Variants in ANK3 observed in about 807,000 individuals in gnomAD.
The protein encoded by ANK3 is ankyrin-3.
Under a neutral mutation model 370.9 loss-of-function variants are expected in ANK3, and 57 were observed. That is an observed-to-expected ratio of 0.15 (90% CI 0.12 to 0.19). The LOEUF (loss-of-function observed/expected upper bound fraction) is 0.19. Ranked by LOEUF, ANK3 falls within the 10% of genes least tolerant of loss-of-function variation. The pLI, the probability that ANK3 is intolerant of heterozygous loss-of-function variation, is 1.00. For missense variants in ANK3, 4,439 were observed against 5,302.1 expected (o/e 0.84, Z 5.06); for synonymous variants, 1,929 against 1,946.3 (o/e 0.99, Z 0.23).
rs141656867 is a variant in ANK3 at position 60,062,759 on chromosome 10, C to T, written c.12595+352G>A. Reference sequence around the variant, plus strand: ...GCTCATCGTTTGTTTTACCTATATACGAATAAAAGAGGTAACTAGTTTAGG... The same window carrying T: ...GCTCATCGTTTGTTTTACCTATATATGAATAAAAGAGGTAACTAGTTTAGG... On this transcript the variant is annotated intron_variant, in intron 40 of 43. Coordinates refer to ENST00000280772, the MANE Select transcript of ANK3 (RefSeq NM_020987.5). 799 of 161,958 alleles carry T rather than the reference C, an allele frequency of 4.9e-3. 9 individuals carry two copies. Among genetic ancestry groups the T allele is most frequent in the Non-Finnish European group, 5.5e-3 (411 of 75,006 alleles). 10.0% of individuals were successfully genotyped at this position (161,958 alleles called of 1,614,324 possible).
At chr10:60,169,248 T>A (rs2095707559) in intron 21 of ANK3, among the ~76,000 whole-genome samples, 1 of 152,286 alleles carries the variant, frequency 6.6e-6, no homozygotes, top group African/African-American at 2.4e-5. Flanking sequence ...CTGACTGGTA[T>A]GAGAGGGTAT....
At chr10:60,161,918 C>A (rs2095510692) in intron 23 of ANK3, among the ~76,000 whole-genome samples, 1 of 152,188 alleles carries the variant, frequency 6.6e-6, no homozygotes, top group African/African-American at 2.4e-5. Context: ...CCAGAATGTT[C>A]CAAACACACA....
At chr10:60,721,022 T>A (rs552868472) in intron 1 of ANK3, among the ~76,000 whole-genome samples, 2 of 152,192 alleles carry the variant, frequency 1.3e-5, no homozygotes, top group East Asian at 3.9e-4. Context: ...GCACCAGATG[T>A]GCTAGATCCT....
chr10:60,049,798 G>A (rs1301485324), intron 42 of ANK3, among the ~76,000 whole-genome samples: 1 of 152,148 alleles, frequency 6.6e-6, no homozygotes, highest in African/African-American at 2.4e-5. Context: ...GGAGACCAAA[G>A]GAAATAGCCC....
At chr10:60,169,374 T>G (rs937251755) in intron 21 of ANK3, among the ~76,000 whole-genome samples, 51 of 150,536 alleles carry the variant, frequency 3.4e-4, no homozygotes, top group African/African-American at 1.2e-3. Context: ...GTTTTTTTTT[T>G]TTTTTTTTTT....
chr10:60,335,166 C>T (rs769616076), intron 1 of ANK3, among the ~76,000 whole-genome samples: 27 of 151,938 alleles, frequency 1.8e-4, no homozygotes, highest in African/African-American at 9.7e-5. Flanking sequence ...GAATGCTTCC[C>T]GAGTTTGCAG....
intron 1 of ANK3, among the ~76,000 whole-genome samples, chr10:60,353,185 G>A (rs1390376196): frequency 6.8e-6 from 1 of 147,308 alleles, no homozygotes; most frequent in East Asian, 1.9e-4. Flanking sequence ...TAGAGACTGG[G>A]TTTCACTATG....
At chr10:60,173,037 T>A in intron 19 of ANK3, 39 bp from the exon 20 acceptor site, 3 of 1,610,132 alleles carry the variant, frequency 1.9e-6, no homozygotes, top group Non-Finnish European at 1.7e-6. Context: ...CTTAATTCCT[T>A]TGAAGCAAAA....
At chr10:60,120,175 T>C (rs1565139434) in intron 25 of ANK3, among the ~76,000 whole-genome samples, 1 of 152,192 alleles carries the variant, frequency 6.6e-6, no homozygotes, top group Non-Finnish European at 1.5e-5. Context: ...TACAGTGAAC[T>C]GATTTTTGAC....
chr10:60,178,028 C>T (rs970889801), intron 18 of ANK3, among the ~76,000 whole-genome samples: 7 of 152,140 alleles, frequency 4.6e-5, no homozygotes, highest in African/African-American at 1.7e-4. Flanking sequence ...ACTTATTCTT[C>T]GCATTGCTTC....
intron 1 of ANK3, among the ~76,000 whole-genome samples, chr10:60,349,038 C>T (rs567213409): frequency 6.6e-6 from 1 of 151,202 alleles, no homozygotes; most frequent in South Asian, 2.1e-4. Flanking sequence ...AAGCCCTGCT[C>T]CAAGGGTGAG....
chr10:60,380,400 G>A (rs2061404621), intron 1 of ANK3, among the ~76,000 whole-genome samples: 1 of 152,132 alleles, frequency 6.6e-6, no homozygotes, highest in Non-Finnish European at 1.5e-5. Flanking sequence ...TTCCAGGTGT[G>A]AAGAGTGGTG....
chr10:60,576,240 T>TA (rs2077681191), intron 2 of ANK3, among the ~76,000 whole-genome samples: 1 of 152,174 alleles, frequency 6.6e-6, no homozygotes, highest in African/African-American at 2.4e-5. Context: ...ACTGCCTACT[T>TA]AGAGTTCACT....
chr10:60,286,005 T>C (rs1482825647), intron 1 of ANK3, among the ~76,000 whole-genome samples: 1 of 152,214 alleles, frequency 6.6e-6, no homozygotes, highest in Non-Finnish European at 1.5e-5. Flanking sequence ...AGGGACTTTT[T>C]TAGTTCTTTC....
At chr10:60,389,876 T>C (rs923351262), upstream of ANK3, 1 of 1,053,794 alleles carries the variant, frequency 9.5e-7, no homozygotes, top group Non-Finnish European at 1.1e-6. Flanking sequence ...AGTGTCTAAG[T>C]GATTCCTCGG....
intron 25 of ANK3, among the ~76,000 whole-genome samples, chr10:60,124,653 C>T (rs111753201): frequency 0.037 from 5,581 of 152,278 alleles, 166 homozygotes; most frequent in Non-Finnish European, 0.056. Flanking sequence ...TACTTGTCTA[C>T]GCATCGATTC....
At chr10:60,051,343 A>G (rs558671611) in intron 42 of ANK3, 1 of 297,998 alleles carries the variant, frequency 3.4e-6, no homozygotes, top group East Asian at 1.7e-4. Context: ...AGGGTGCAAA[A>G]AAATTACACA....
intron 1 of ANK3, among the ~76,000 whole-genome samples, chr10:60,378,394 G>A (rs983960153): frequency 5.9e-5 from 9 of 151,986 alleles, no homozygotes; most frequent in Non-Finnish European, 1.2e-4. Flanking sequence ...GGCAAATGTG[G>A]GAATAGACTC....
At chr10:60,040,560 TTGAG>T (rs970531609) in intron 43 of ANK3, among the ~76,000 whole-genome samples, 1 of 152,228 alleles carries the variant, frequency 6.6e-6, no homozygotes, top group African/African-American at 2.4e-5. Context: ...TCTCTCTCCT[TTGAG>T]TGGTGCAGCA....
Sources: gnomAD v4.1 joint callset for allele counts (sites outside exome capture counted in the v4.1 genomes callset) on GRCh38, gnomAD v4.1.1 for gene constraint, MANE v1.5 for transcripts, NCBI Gene and HGNC (gene_info 2026-07-23, HGNC 2026-07-21) for gene names.